RGS6: variants seen among roughly 807,000 people sequenced by gnomAD.
RGS6 encodes regulator of G-protein signaling 6.
A neutral mutation model predicts 78.5 loss-of-function variants in RGS6; 30 were observed. That is an observed-to-expected ratio of 0.38 (90% CI 0.29 to 0.52). The LOEUF (loss-of-function observed/expected upper bound fraction) is 0.52, where lower values mean the gene tolerates loss of function less well. RGS6 is among the 20% of genes least tolerant of loss of function. RGS6 has a pLI of 0.85. For missense variants in RGS6, 495 were observed against 609.7 expected (o/e 0.81, Z 1.98); for synonymous variants, 206 against 206.0 (o/e 1.00, Z 0.00).
intron 2 of RGS6, among the ~76,000 whole-genome samples, chr14:72,281,580 C>T (rs889941606): frequency 1.0e-5 from 1 of 98,958 alleles, no homozygotes; most frequent in Non-Finnish European, 2.5e-5. Context: ...GTGATGGGAT[C>T]GAGTGATGGA....
chr14:71,882,672 T>C, the RGS6 span, among the ~76,000 whole-genome samples: 1 of 152,180 alleles, frequency 6.6e-6, no homozygotes, highest in Non-Finnish European at 1.5e-5. Flanking sequence ...CCAATAGCAA[T>C]GAAAATGATT....
At chr14:71,876,304 A>T in the RGS6 span, among the ~76,000 whole-genome samples, 1 of 151,992 alleles carries the variant, frequency 6.6e-6, no homozygotes, top group Non-Finnish European at 1.5e-5. Flanking sequence ...GTCTCTAAGG[A>T]CTTGCTTTGT....
intron 1 of RGS6, among the ~76,000 whole-genome samples, chr14:71,940,674 T>C (rs1229205760): frequency 6.6e-6 from 1 of 152,220 alleles, no homozygotes; most frequent in Non-Finnish European, 1.5e-5. Flanking sequence ...CCCTGCCACC[T>C]CTGGATCCAA....
intron 2 of RGS6, among the ~76,000 whole-genome samples, chr14:72,001,895 C>CTTTTTTTTTTTTTTTTTTTTTTTTTT (rs59274317): frequency 1.1e-5 from 1 of 92,552 alleles, no homozygotes; most frequent in African/African-American, 4.4e-5. Context: ...ATCCATTAAT[C>CTTTTTTTTTTTTTTTTTTTTTTTTTT]TTTTTTTTTT....
chr14:72,321,256 G>C (rs2071923364), intron 2 of RGS6, among the ~76,000 whole-genome samples: 1 of 151,560 alleles, frequency 6.6e-6, no homozygotes, highest in Non-Finnish European at 1.5e-5. Flanking sequence ...AATAGCACAA[G>C]GAATACTCAC....
chr14:72,120,447 C>A (rs2096018055), intron 2 of RGS6, among the ~76,000 whole-genome samples: 1 of 152,166 alleles, frequency 6.6e-6, no homozygotes, highest in South Asian at 2.1e-4. Context: ...AGCACAAAAT[C>A]ATGGAACAAC....
chr14:71,913,891 T>C, the RGS6 span, among the ~76,000 whole-genome samples: 1 of 152,246 alleles, frequency 6.6e-6, no homozygotes, highest in South Asian at 2.1e-4. Flanking sequence ...AAAAGCTTCC[T>C]AATTGGTAAT....
At chr14:72,001,393 C>A (rs910814583) in intron 2 of RGS6, among the ~76,000 whole-genome samples, 3 of 151,596 alleles carry the variant, frequency 2.0e-5, no homozygotes, top group Non-Finnish European at 4.4e-5. Context: ...AGGGCCTTTT[C>A]TAGAAAAAAC....
intron 2 of RGS6, among the ~76,000 whole-genome samples, chr14:72,069,362 T>G (rs1394434795): frequency 3.9e-5 from 6 of 152,184 alleles, no homozygotes; most frequent in Non-Finnish European, 7.3e-5. Flanking sequence ...TTAGCAGTAA[T>G]CCTAGAAATT....
intron 2 of RGS6, among the ~76,000 whole-genome samples, chr14:72,060,664 CT>C (rs1386197128): frequency 2.6e-5 from 4 of 152,172 alleles, no homozygotes; most frequent in Admixed American, 2.6e-4. Context: ...CAAGAAAGAT[CT>C]TACACCAAGT....
the RGS6 span, among the ~76,000 whole-genome samples, chr14:72,589,215 G>A: frequency 6.6e-6 from 1 of 152,132 alleles, no homozygotes; most frequent in Admixed American, 6.5e-5. Context: ...AGTTGGAGTG[G>A]AAAGTGAGGT....
intron 2 of RGS6, among the ~76,000 whole-genome samples, chr14:72,336,917 C>A (rs2076133259): frequency 6.6e-6 from 1 of 152,064 alleles, no homozygotes; most frequent in Non-Finnish European, 1.5e-5. Flanking sequence ...GTCTAAATTT[C>A]CCCTTTTTAT....
intron 2 of RGS6, among the ~76,000 whole-genome samples, chr14:72,257,862 G>A (rs1488679915): frequency 6.6e-6 from 1 of 152,116 alleles, no homozygotes; most frequent in East Asian, 1.9e-4. Context: ...GAAGTCAATG[G>A]AAAAGAAGAG....
intron 2 of RGS6, among the ~76,000 whole-genome samples, chr14:72,228,942 C>T (rs1215103412): frequency 6.6e-6 from 1 of 152,134 alleles, no homozygotes; most frequent in Non-Finnish European, 1.5e-5. Context: ...GTAATCCCAG[C>T]TACTCGGGAG....
intron 12 of RGS6, among the ~76,000 whole-genome samples, chr14:72,486,000 G>A (rs1209302073): frequency 1.3e-5 from 2 of 152,182 alleles, no homozygotes; most frequent in Admixed American, 6.5e-5. Flanking sequence ...CACGTGATGG[G>A]AGGGACCCAG....
intron 2 of RGS6, among the ~76,000 whole-genome samples, chr14:72,325,559 G>C (rs2073511111): frequency 2.0e-5 from 3 of 152,070 alleles, no homozygotes; most frequent in Non-Finnish European, 4.4e-5. Flanking sequence ...TCCAGTTTCA[G>C]CTTTCTACAT....
At chr14:72,201,203 G>T (rs1278944298) in intron 2 of RGS6, among the ~76,000 whole-genome samples, 2 of 152,098 alleles carry the variant, frequency 1.3e-5, no homozygotes, top group Non-Finnish European at 2.9e-5. Context: ...AGAGACCTGC[G>T]CTCTCTGTAT....
At chr14:72,616,193 T>C in the RGS6 span, among the ~76,000 whole-genome samples, 1 of 152,034 alleles carries the variant, frequency 6.6e-6, no homozygotes, top group Middle Eastern at 3.4e-3. Flanking sequence ...GCTCAGAGAG[T>C]TGAAGTCATT....
intron 3 of RGS6, among the ~76,000 whole-genome samples, chr14:72,377,224 C>T (rs983642065): frequency 1.3e-5 from 2 of 152,164 alleles, no homozygotes; most frequent in Non-Finnish European, 2.9e-5. Flanking sequence ...TCCATGCAAA[C>T]AGAAACCAAA....
Sources: gnomAD v4.1 joint callset for allele counts (sites outside exome capture counted in the v4.1 genomes callset) on GRCh38, gnomAD v4.1.1 for gene constraint, MANE v1.5 for transcripts, NCBI Gene and HGNC (gene_info 2026-07-23, HGNC 2026-07-21) for gene names.